Variants in MICAL3 observed in about 807,000 individuals in gnomAD.
MICAL3 encodes [F-actin]-monooxygenase MICAL3.
In MICAL3, 62 loss-of-function variants were observed where a neutral mutation model predicts 207.4. The observed-to-expected ratio is 0.30, with a 90% CI of 0.24 to 0.37. The LOEUF is 0.37. Among genes scored for constraint, MICAL3 ranks in the 10% least tolerant of loss-of-function variants. The pLI is 1.00. For synonymous variants in MICAL3, 1,077 were observed against 1,069.3 expected (o/e 1.01, Z -0.14); for missense variants, 2,368 against 2,635.6 (o/e 0.90, Z 2.22).
chr22:17,888,394 G>A (rs963279269), intron 13 of MICAL3, among the ~76,000 whole-genome samples: 7 of 151,810 alleles, frequency 4.6e-5, no homozygotes, highest in African/African-American at 1.5e-4. Context: ...CAAGCTGAGA[G>A]ACAAGCAAAG....
chr22:17,921,361 T>C (rs903795739), intron 1 of MICAL3, among the ~76,000 whole-genome samples: 2 of 152,254 alleles, frequency 1.3e-5, no homozygotes, highest in African/African-American at 4.8e-5. Flanking sequence ...GAGAAAGGCA[T>C]AGAACTGTCT....
rs1394899196 is a variant in MICAL3 at position 17,821,572 on chromosome 22, CT to C, written c.3449-64del. 15 of 1,353,350 alleles carry C rather than the reference CT, an allele frequency of 1.1e-5. No individual in the cohort carries two copies. In the African/African-American group the frequency reaches 1.8e-4, roughly 16 times the overall value. The allele number at this position is 1,353,350 out of a possible 1,614,324, so 83.8% of individuals were successfully genotyped here. ...CCCCCCATGTGCCAGGAAGGCACCC[CT>C]ATCAGCCAGCCCCAGAGGGTGGAGG... is the stretch of plus-strand genomic sequence containing the variant. On this transcript the variant is annotated intron_variant, in intron 24 of 31. Coordinates refer to ENST00000441493, the MANE Select transcript of MICAL3 (RefSeq NM_015241.3).
At chr22:17,924,830 T>A (rs897069255) in intron 1 of MICAL3, among the ~76,000 whole-genome samples, 1 of 152,130 alleles carries the variant, frequency 6.6e-6, no homozygotes, top group African/African-American at 2.4e-5. Flanking sequence ...CAGGATGACA[T>A]AGTAACATGC....
In MICAL3 at chr22:17,942,849, G is replaced by C. The variant is rs114104540; in HGVS notation, c.-74-35963C>G. On this transcript the variant is annotated intron_variant, in intron 1 of 31. Transcript: ENST00000441493. ...AGACTTGGGCCAGGCCTGCTCTGCC[G>C]AATTCCCAGCTGCACGACCGTCCTC... is the stretch of plus-strand genomic sequence containing the variant. Among the ~76,000 whole-genome samples, 379 of 152,312 alleles carry C rather than the reference G, an allele frequency of 2.5e-3. 2 individuals are homozygous for C. Among genetic ancestry groups the C allele is most frequent in the African/African-American group, 8.4e-3 (350 of 41,570 alleles).
intron 29 of MICAL3, among the ~76,000 whole-genome samples, chr22:17,803,072 C>A (rs1280432089): frequency 6.6e-6 from 1 of 152,204 alleles, no homozygotes; most frequent in Non-Finnish European, 1.5e-5. Context: ...GATAACCAGG[C>A]CTCACCCCAG....
chr22:17,912,040 G>A (rs1012372923), intron 1 of MICAL3, among the ~76,000 whole-genome samples: 14 of 151,948 alleles, frequency 9.2e-5, no homozygotes, highest in African/African-American at 2.7e-4. Context: ...CGTAAGTGAG[G>A]TGCATGAGGC....
intron 20 of MICAL3, among the ~76,000 whole-genome samples, chr22:17,833,182 A>C (rs771852109): frequency 6.6e-6 from 1 of 152,194 alleles, no homozygotes; most frequent in Non-Finnish European, 1.5e-5. Flanking sequence ...CAGGAACAAA[A>C]CCGGGTTCCT....
chr22:17,819,873 G>A (rs1921359534), intron 25 of MICAL3, among the ~76,000 whole-genome samples: 1 of 150,142 alleles, frequency 6.7e-6, no homozygotes, highest in Non-Finnish European at 1.5e-5. Context: ...AACCCGGGAG[G>A]TGGAGCTTGC....
chr22:17,826,645 T>C (rs5992864), intron 22 of MICAL3: 82,560 of 261,194 alleles, frequency 0.32, 13,652 homozygotes, highest in African/African-American at 0.35. Flanking sequence ...GACGCCTGTC[T>C]GGCACCAACA....
intron 12 of MICAL3, among the ~76,000 whole-genome samples, chr22:17,891,126 C>T (rs940689159): frequency 2.6e-5 from 4 of 152,058 alleles, no homozygotes; most frequent in African/African-American, 9.7e-5. Flanking sequence ...AGACAGCTGG[C>T]CGAAATGAAG....
In MICAL3 at chr22:17,790,783, C is replaced by G; in HGVS notation, c.5958G>C (p.Lys1986Asn). ...EQRLREREEDKDLEAAMLSKG... is the reference protein window; with the variant it reads ...EQRLREREEDNDLEAAMLSKG... ...TGGACAGCATGGCAGCCTCCAGGTCCTTGTCCTCCTCTCTCTCCCGGAGCC... is the reference window on the plus strand; with the variant it reads ...TGGACAGCATGGCAGCCTCCAGGTCGTTGTCCTCCTCTCTCTCCCGGAGCC... The change falls in exon 32 of 32, where the codon AAG becomes AAC. Residue 1986 changes from lysine (K) to asparagine (N), a missense_variant. Lys to Asn is a moderately conservative substitution (Grantham distance 94, BLOSUM62 0). Coordinates refer to ENST00000441493, the MANE Select transcript of MICAL3 (RefSeq NM_015241.3). 6 of 1,612,542 alleles carry G rather than the reference C, an allele frequency of 3.7e-6. No homozygotes were observed. Among genetic ancestry groups the G allele is most frequent in the Non-Finnish European group, 5.1e-6 (6 of 1,179,366 alleles).
intron 19 of MICAL3, among the ~76,000 whole-genome samples, chr22:17,858,136 T>A (rs1926124244): frequency 6.6e-6 from 1 of 152,128 alleles, no homozygotes; most frequent in Non-Finnish European, 1.5e-5. Flanking sequence ...CCGCATCCCC[T>A]CCCGGGCAAT....
At chr22:17,978,502 C>T (rs1320672065) in intron 1 of MICAL3, among the ~76,000 whole-genome samples, 3 of 151,686 alleles carry the variant, frequency 2.0e-5, no homozygotes, top group Admixed American at 6.6e-5. Context: ...TATAATAAAA[C>T]CATTGAACTG....
intron 29 of MICAL3, among the ~76,000 whole-genome samples, chr22:17,799,102 A>G (rs2061909902): frequency 6.6e-6 from 1 of 152,198 alleles, no homozygotes; most frequent in Admixed American, 6.5e-5. Context: ...TTCAGAAAGC[A>G]GCCAAGTGCG....
At chr22:17,831,061 C>T (rs991656422) in intron 21 of MICAL3, among the ~76,000 whole-genome samples, 3 of 152,238 alleles carry the variant, frequency 2.0e-5, no homozygotes, top group African/African-American at 4.8e-5. Flanking sequence ...AGAACTCAAC[C>T]GATCCTCTGA....
chr22:17,955,377 C>A (rs929948361), intron 1 of MICAL3, among the ~76,000 whole-genome samples: 1 of 152,242 alleles, frequency 6.6e-6, no homozygotes, highest in Non-Finnish European at 1.5e-5. Flanking sequence ...TCTTACCCAT[C>A]TGTTCCAGTA....
chr22:17,820,942 G>GTAAACATAAATTTTAATAAATTTATA (rs1921551393), intron 25 of MICAL3, among the ~76,000 whole-genome samples: 7 of 110,606 alleles, frequency 6.3e-5, no homozygotes, highest in African/African-American at 2.3e-4. Flanking sequence ...ATAAATTTAT[G>GTAAACATAAATTTTAATAAATTTATA]TTTATAAACA....
intron 1 of MICAL3, among the ~76,000 whole-genome samples, chr22:17,919,785 C>G (rs540383490): frequency 6.6e-6 from 1 of 152,236 alleles, no homozygotes; most frequent in East Asian, 1.9e-4. Flanking sequence ...AGGACCTGTT[C>G]TTGCCATCAG....
At chr22:17,943,587 C>T (rs140490703) in intron 1 of MICAL3, among the ~76,000 whole-genome samples, 5 of 152,386 alleles carry the variant, frequency 3.3e-5, no homozygotes, top group African/African-American at 1.2e-4. Flanking sequence ...GCCCTCCTTA[C>T]TCAAGGTGCC....
Sources: gnomAD v4.1 joint callset for allele counts (sites outside exome capture counted in the v4.1 genomes callset) on GRCh38, gnomAD v4.1.1 for gene constraint, MANE v1.5 for transcripts, NCBI Gene and HGNC (gene_info 2026-07-23, HGNC 2026-07-21) for gene names.